The following SLC8A1 variants were observed in gnomAD, a reference collection of about 807,000 sequenced individuals.
The protein encoded by SLC8A1 is sodium/calcium exchanger 1.
In SLC8A1, 18 loss-of-function variants were observed where a neutral mutation model predicts 68.3. The ratio of observed to expected loss-of-function variants is 0.26; its 90% CI spans 0.18 to 0.39. The LOEUF is 0.39. Among genes scored for constraint, SLC8A1 ranks in the 10% least tolerant of loss-of-function variants. SLC8A1 has a pLI of 1.00. For synonymous variants in SLC8A1, 475 were observed against 415.5 expected, an observed-to-expected ratio of 1.14 and a Z score of -1.74; for missense variants, 985 against 1,156.7, an observed-to-expected ratio of 0.85 and a Z score of 2.15.
At chr2:40,172,632 T>C (rs1202071306) in intron 4 of SLC8A1, among the ~76,000 whole-genome samples, 3 of 151,986 alleles carry the variant, frequency 2.0e-5, no homozygotes, top group Non-Finnish European at 4.4e-5. Flanking sequence ...TCAAATGACA[T>C]AGAAGGAAGG....
chr2:40,277,687 A>C (rs2066902489), intron 2 of SLC8A1, among the ~76,000 whole-genome samples: 1 of 151,314 alleles, frequency 6.6e-6, no homozygotes, highest in Non-Finnish European at 1.5e-5. Flanking sequence ...TAATGGCTGT[A>C]ATAAAATCAA....
intron 1 of SLC8A1, among the ~76,000 whole-genome samples, chr2:40,460,201 A>T (rs1703260540): frequency 6.6e-6 from 1 of 152,212 alleles, no homozygotes; most frequent in Non-Finnish European, 1.5e-5. Flanking sequence ...TTAAGAAAGG[A>T]TTTAATTTTT....
intron 2 of SLC8A1, among the ~76,000 whole-genome samples, chr2:40,423,821 T>C (rs1696150949): frequency 1.3e-5 from 2 of 152,052 alleles, no homozygotes; most frequent in South Asian, 2.1e-4. Context: ...ATTTTTATAA[T>C]AGCTATGCAT....
intron 2 of SLC8A1, among the ~76,000 whole-genome samples, chr2:40,184,577 C>A (rs376535): frequency 6.6e-6 from 1 of 151,994 alleles, no homozygotes; most frequent in Non-Finnish European, 1.5e-5. Flanking sequence ...TCTGGCGATA[C>A]GTTTTTACAC....
At chr2:40,284,896 G>A (rs1305774375) in intron 2 of SLC8A1, among the ~76,000 whole-genome samples, 3 of 152,040 alleles carry the variant, frequency 2.0e-5, no homozygotes, top group East Asian at 1.9e-4. Flanking sequence ...TCCCAGGGAT[G>A]AGCAAGCTTC....
At chr2:40,248,431 C>T (rs1202479020) in intron 2 of SLC8A1, among the ~76,000 whole-genome samples, 1 of 152,132 alleles carries the variant, frequency 6.6e-6, no homozygotes, top group Admixed American at 6.5e-5. Context: ...GCCCTACCAT[C>T]ACACCACCTG....
rs1016547869 is a variant in SLC8A1 at position 40,235,209 on chromosome 2, G to A, written c.1809-57354C>T. Among the ~76,000 whole-genome samples the A allele has an allele frequency of 2.0e-5, 3 of 152,054 alleles. No individual in the cohort carries two copies. In the South Asian group the frequency reaches 6.2e-4, roughly 31 times the overall value. On this transcript the variant is annotated intron_variant, in intron 2 of 7. Transcript: ENST00000406785. ...CTCCTTGTACCTCTGGTAGAATTTG[G>A]CTGTGAATCCATCTGGTCCTGGACT...
At chr2:40,387,781 C>T (rs369282963) in intron 2 of SLC8A1, among the ~76,000 whole-genome samples, 1 of 145,786 alleles carries the variant, frequency 6.9e-6, no homozygotes, top group Non-Finnish European at 1.5e-5. Context: ...CTACTAAAAA[C>T]ACAAAAATTA....
chr2:40,238,762 G>C (rs2060797274), intron 2 of SLC8A1, among the ~76,000 whole-genome samples: 1 of 151,844 alleles, frequency 6.6e-6, no homozygotes, highest in South Asian at 2.1e-4. Context: ...CTCAAGTATT[G>C]TTCAGAGATT....
At chr2:40,302,437 T>TTGTGTGTGTG (rs60780425) in intron 2 of SLC8A1, among the ~76,000 whole-genome samples, 82 of 132,944 alleles carry the variant, frequency 6.2e-4, no homozygotes, top group African/African-American at 2.1e-3. Context: ...TAGTATTCCA[T>TTGTGTGTGTG]TGTGTGTGTG....
chr2:40,110,432 A>C (rs906201180), exon 8 of SLC8A1: 1 of 152,216 alleles, frequency 6.6e-6, no homozygotes, highest in African/African-American at 2.4e-5. Flanking sequence ...AAAACTCCGT[A>C]GGTAGAGCTG....
chr2:40,435,337 C>G (rs1020094218), intron 1 of SLC8A1, among the ~76,000 whole-genome samples: 4 of 152,162 alleles, frequency 2.6e-5, no homozygotes, highest in African/African-American at 7.2e-5. Flanking sequence ...CTTTTCTCAT[C>G]TGACCATCTC....
chr2:40,275,488 T>C (rs1029097875), intron 2 of SLC8A1, among the ~76,000 whole-genome samples: 2 of 152,190 alleles, frequency 1.3e-5, no homozygotes, highest in Non-Finnish European at 2.9e-5. Flanking sequence ...GAGCAACATA[T>C]TGTGTGGTCC....
intron 2 of SLC8A1, among the ~76,000 whole-genome samples, chr2:40,396,194 A>G (rs980221514): frequency 1.3e-5 from 2 of 152,150 alleles, no homozygotes; most frequent in African/African-American, 2.4e-5. Flanking sequence ...TGTGAGGTAT[A>G]TGTAATTAGT....
intron 3 of SLC8A1, among the ~76,000 whole-genome samples, chr2:40,175,515 TG>T: frequency 6.6e-6 from 1 of 152,038 alleles, no homozygotes; most frequent in African/African-American, 2.4e-5. Context: ...TATGTGTGTG[TG>T]TGTGTGTATA....
At chr2:40,275,048 C>T (rs1489476097) in intron 2 of SLC8A1, among the ~76,000 whole-genome samples, 1 of 152,178 alleles carries the variant, frequency 6.6e-6, no homozygotes, top group East Asian at 1.9e-4. Context: ...AAATGCAAAG[C>T]TAATCAAATT....
intron 1 of SLC8A1, among the ~76,000 whole-genome samples, chr2:40,462,057 A>C (rs1446584845): frequency 9.0e-6 from 1 of 111,070 alleles, no homozygotes; most frequent in Non-Finnish European, 1.8e-5. Context: ...CCCAGGCTGG[A>C]GTGCAGTGGC....
chr2:40,472,084 A>G (rs1704021243), intron 1 of SLC8A1, among the ~76,000 whole-genome samples: 1 of 152,200 alleles, frequency 6.6e-6, no homozygotes, highest in Non-Finnish European at 1.5e-5. Context: ...GAAGTGGAGG[A>G]ATCAAAGTGG....
chr2:40,136,629 T>C (rs1572990070), intron 7 of SLC8A1, among the ~76,000 whole-genome samples: 1 of 152,128 alleles, frequency 6.6e-6, no homozygotes, highest in African/African-American at 2.4e-5. Context: ...GCTGACTAAA[T>C]AGTAGGCTAT....
Sources: allele counts gnomAD v4.1 joint callset (sites outside exome capture counted in the v4.1 genomes callset), GRCh38; gene constraint gnomAD v4.1.1; transcripts MANE v1.5; gene names NCBI Gene and HGNC (gene_info 2026-07-23, HGNC 2026-07-21).